DOCK9: variants seen among roughly 807,000 people sequenced by gnomAD.
DOCK9 encodes the protein dedicator of cytokinesis 9.
A neutral mutation model predicts 263.3 loss-of-function variants in DOCK9; 89 were observed. The observed-to-expected ratio is 0.34, with a 90% CI of 0.28 to 0.40. The LOEUF (loss-of-function observed/expected upper bound fraction) is 0.40. Among genes scored for constraint, DOCK9 ranks in the 10% least tolerant of loss-of-function variants. The pLI, the probability that DOCK9 is intolerant of heterozygous loss-of-function variation, is 1.00. For missense variants in DOCK9, 2,140 were observed against 2,603.4 expected (o/e 0.82, Z 3.87); for synonymous variants, 976 against 973.1 (o/e 1.00, Z -0.06).
In DOCK9 at chr13:98,863,653, C is replaced by T. The variant is rs183974199; in HGVS notation, c.3287-105G>A. 6.6e-6 allele frequency: 8 copies of T among 1,208,438 alleles called. No homozygotes were observed. In the African/African-American group the frequency reaches 1.1e-4, roughly 16 times the overall value. 74.9% of individuals were successfully genotyped at this position (1,208,438 alleles called of 1,614,324 possible). On this transcript the variant is annotated intron_variant, in intron 30 of 52. Transcript: ENST00000682017. ...AAAACTAAGACCCATCCTCTGCATT[C>T]AGCCCACCCTGGGTGTCAAGAGATG...
At chr13:98,918,948 G>C (rs1437882044) in intron 7 of DOCK9, among the ~76,000 whole-genome samples, 1 of 152,082 alleles carries the variant, frequency 6.6e-6, no homozygotes, top group African/African-American at 2.4e-5. Context: ...GCTAAAATCC[G>C]ATCTACCAGC....
intron 45 of DOCK9, among the ~76,000 whole-genome samples, chr13:98,823,432 C>T (rs1211562833): frequency 6.6e-6 from 1 of 152,172 alleles, no homozygotes; most frequent in Non-Finnish European, 1.5e-5. Context: ...TGGTTAAAAG[C>T]CCCAGTATCA....
intron 1 of DOCK9, among the ~76,000 whole-genome samples, chr13:98,965,860 A>G (rs574978675): frequency 5.3e-5 from 8 of 152,338 alleles, no homozygotes; most frequent in African/African-American, 1.7e-4. Context: ...GACTAACACC[A>G]ACAATTAGAC....
chr13:98,816,740 G>T (rs1273113246), intron 45 of DOCK9, among the ~76,000 whole-genome samples: 2 of 151,678 alleles, frequency 1.3e-5, no homozygotes, highest in Non-Finnish European at 2.9e-5. Flanking sequence ...AAAGGTGGGG[G>T]TGGGAATACG....
intron 1 of DOCK9, among the ~76,000 whole-genome samples, chr13:98,966,124 A>G (rs1024955002): frequency 6.6e-6 from 1 of 152,270 alleles, no homozygotes; most frequent in African/African-American, 2.4e-5. Flanking sequence ...GATGCTGCTG[A>G]GAATGTCAAT....
chr13:98,820,690 G>T, intron 45 of DOCK9: 1 of 429,706 alleles, frequency 2.3e-6, no homozygotes, highest in Non-Finnish European at 4.6e-6. Context: ...TGCAAAAATC[G>T]ATATTATTAG....
intron 1 of DOCK9, among the ~76,000 whole-genome samples, chr13:99,054,091 T>A (rs778952057): frequency 4.6e-5 from 7 of 152,234 alleles, no homozygotes; most frequent in Non-Finnish European, 8.8e-5. Context: ...TGTAAGACAC[T>A]GCAATTCTTT....
At chr13:99,058,195 C>T (rs2041016273) in intron 1 of DOCK9, among the ~76,000 whole-genome samples, 1 of 148,308 alleles carries the variant, frequency 6.7e-6, no homozygotes, top group Non-Finnish European at 1.5e-5. Context: ...GATGGAGTCT[C>T]ACTCTGTCAC....
chr13:98,818,831 TTGTG>T (rs142278524), intron 45 of DOCK9, among the ~76,000 whole-genome samples: 13 of 149,844 alleles, frequency 8.7e-5, no homozygotes, highest in East Asian at 2.0e-4. Context: ...CACACTAACA[TTGTG>T]TGTGTGTGTG....
At chr13:98,822,795 A>G (rs1449244282) in intron 45 of DOCK9, among the ~76,000 whole-genome samples, 2 of 152,144 alleles carry the variant, frequency 1.3e-5, no homozygotes, top group Non-Finnish European at 2.9e-5. Context: ...TACCTAGAAA[A>G]CTTTATTGGG....
At chr13:98,847,332 A>C (rs1324082381) in intron 37 of DOCK9, 1 of 152,310 alleles carries the variant, frequency 6.6e-6, no homozygotes, top group Admixed American at 6.5e-5. Flanking sequence ...ATCCAAGTCA[A>C]GGTAGAAGAC....
At chr13:98,998,321 T>G (rs1881516036) in intron 1 of DOCK9, among the ~76,000 whole-genome samples, 1 of 152,176 alleles carries the variant, frequency 6.6e-6, no homozygotes, top group Admixed American at 6.5e-5. Context: ...ACCCTCAAGA[T>G]GCAAACTCTG....
intron 7 of DOCK9, among the ~76,000 whole-genome samples, chr13:98,918,441 C>A (rs879574378): frequency 5.3e-5 from 8 of 151,952 alleles, no homozygotes; most frequent in African/African-American, 1.9e-4. Flanking sequence ...ATATGTTATA[C>A]CTTATTTTCT....
chr13:99,071,819 T>A (rs2142378393), intron 1 of DOCK9, among the ~76,000 whole-genome samples: 1 of 152,286 alleles, frequency 6.6e-6, no homozygotes, highest in East Asian at 1.9e-4. Flanking sequence ...ATAAAAGAAG[T>A]CAAAAGCACT....
intron 1 of DOCK9, among the ~76,000 whole-genome samples, chr13:98,963,281 C>A (rs532943961): frequency 2.0e-5 from 3 of 152,074 alleles, no homozygotes; most frequent in Non-Finnish European, 4.4e-5. Flanking sequence ...TAGGGTCTGG[C>A]GGCCCAACAT....
At chr13:98,853,345 G>T in intron 35 of DOCK9, 63 bp downstream of exon 35, 1 of 1,109,260 alleles carries the variant, frequency 9.0e-7, no homozygotes, top group Non-Finnish European at 1.3e-6. Flanking sequence ...CTTATTACAA[G>T]TTAAAACCAA....
chr13:98,932,890 C>T (rs2054191614), intron 2 of DOCK9, among the ~76,000 whole-genome samples: 1 of 152,102 alleles, frequency 6.6e-6, no homozygotes, highest in Non-Finnish European at 1.5e-5. Context: ...TACAAAGAAA[C>T]AGTGACCTTT....
chr13:98,808,494 C>T (rs961394828), intron 47 of DOCK9: 22 of 646,284 alleles, frequency 3.4e-5, no homozygotes, highest in African/African-American at 1.7e-4. Flanking sequence ...AAGTTTCTCA[C>T]GTAAATTAAG....
At chr13:99,032,990 G>A (rs1398593510) in intron 1 of DOCK9, among the ~76,000 whole-genome samples, 1 of 152,152 alleles carries the variant, frequency 6.6e-6, no homozygotes, top group Admixed American at 6.5e-5. Flanking sequence ...GTCTAAGTAA[G>A]ACATCATTGG....
Sources: allele counts gnomAD v4.1 joint callset (sites outside exome capture counted in the v4.1 genomes callset), GRCh38; gene constraint gnomAD v4.1.1; transcripts MANE v1.5; gene names NCBI Gene and HGNC (gene_info 2026-07-23, HGNC 2026-07-21).